The following USH2A variants were observed in gnomAD, a reference collection of about 807,000 sequenced individuals.
USH2A encodes Usher syndrome 2A (autosomal recessive, mild).
USH2A carries 443 observed loss-of-function variants against 538.9 expected under a neutral mutation model. The observed-to-expected ratio is 0.82, with a 90% confidence interval of 0.76 to 0.89. The LOEUF (loss-of-function observed/expected upper bound fraction) is 0.89. USH2A is among the 40% of genes least tolerant of loss of function. The pLI is 0.00. For missense variants in USH2A, 6,633 were observed against 6,324.8 expected, an observed-to-expected ratio of 1.05 and a Z score of -1.65; for synonymous variants, 2,413 against 2,273.5, an observed-to-expected ratio of 1.06 and a Z score of -1.75.
At chr1:215,705,863 C>T (rs1659168915) in intron 61 of USH2A, among the ~76,000 whole-genome samples, 1 of 152,218 alleles carries the variant, frequency 6.6e-6, no homozygotes, top group South Asian at 2.1e-4. Flanking sequence ...CATAACTCTT[C>T]TGAAAGACAC....
chr1:216,223,339 T>C lies in USH2A; in HGVS notation c.2994-5789A>G, dbSNP rs573161922. On this transcript the variant is annotated intron_variant, in intron 14 of 71. Coordinates refer to ENST00000307340, the MANE Select transcript of USH2A (RefSeq NM_206933.4). ...CTGATACTTCTTATCAGATCATATATCATCTATACTAAGAGAGAATATATA... is the reference window on the plus strand; with the variant it reads ...CTGATACTTCTTATCAGATCATATACCATCTATACTAAGAGAGAATATATA... 2.0e-5 allele frequency among the ~76,000 whole-genome samples: 3 copies of C among 152,272 alleles called. No homozygotes were observed. In the South Asian group the frequency reaches 6.2e-4, roughly 32 times the overall value.
intron 47 of USH2A, among the ~76,000 whole-genome samples, chr1:215,822,370 T>C (rs1241306092): frequency 1.3e-5 from 2 of 151,978 alleles, no homozygotes; most frequent in Non-Finnish European, 2.9e-5. Flanking sequence ...AGGTATTTTA[T>C]ATTCTTTGTA....
chr1:215,835,756 C>T (rs913109292), intron 47 of USH2A, among the ~76,000 whole-genome samples: 7 of 152,070 alleles, frequency 4.6e-5, no homozygotes, highest in Non-Finnish European at 7.4e-5. Flanking sequence ...AGTTTGTTTC[C>T]TGTCATTATT....
At chr1:215,636,407 T>C (rs1353531884) in intron 69 of USH2A, among the ~76,000 whole-genome samples, 2 of 152,228 alleles carry the variant, frequency 1.3e-5, no homozygotes, top group African/African-American at 4.8e-5. Context: ...ACTCTGACCT[T>C]TGCTTCTCAT....
At chr1:216,415,835 T>C (rs1462958269) in intron 3 of USH2A, among the ~76,000 whole-genome samples, 1 of 152,064 alleles carries the variant, frequency 6.6e-6, no homozygotes, top group Non-Finnish European at 1.5e-5. Context: ...CTCCATTATT[T>C]CTTATAACAA....
chr1:215,927,824 A>AAC (rs1028450835), intron 38 of USH2A, among the ~76,000 whole-genome samples: 1 of 152,112 alleles, frequency 6.6e-6, no homozygotes, highest in African/African-American at 2.4e-5. Flanking sequence ...TAGACAATTA[A>AAC]ACACACACAC....
Position 215,836,479 on chromosome 1 carries a change from TAA to T in USH2A, c.9371+1510_9371+1511del, listed in dbSNP as rs1558119815. Among the ~76,000 whole-genome samples, 34 of 4,674 alleles carry T rather than the reference TAA, an allele frequency of 7.3e-3. 2 individuals are homozygous for T. Among genetic ancestry groups the T allele is most frequent in the African/African-American group, 8.9e-3 (24 of 2,700 alleles). 3.1% of individuals were successfully genotyped at this position (4,674 alleles called of 152,430 possible). A position where few individuals can be genotyped will look rare whatever the true frequency, so the allele number is the denominator to read the frequency against. On this transcript the variant is annotated intron_variant, in intron 47 of 71. Transcript: ENST00000307340. ...TGTATATATATTATATATATATATA[TAA>T]TATATATTATATATATAATATATAT...
rs531848527 is a variant in USH2A at position 216,320,467 on chromosome 1, C to T, written c.1644+1416G>A. Among the ~76,000 whole-genome samples, 14 of 152,230 alleles carry T rather than the reference C, an allele frequency of 9.2e-5. No homozygotes were observed. In the South Asian group the frequency reaches 2.9e-3, roughly 32 times the overall value. On this transcript the variant is annotated intron_variant, in intron 9 of 71. Transcript: ENST00000307340. ...CACTTGTCATTGAAGAACTGCTTTT[C>T]AGAATGACAGCAATTATATAATGTA...
chr1:215,936,512 C>T (rs1306816923), intron 37 of USH2A, among the ~76,000 whole-genome samples: 1 of 151,974 alleles, frequency 6.6e-6, no homozygotes, highest in East Asian at 1.9e-4. Context: ...AATGATAATA[C>T]AGTATTTACA....
intron 3 of USH2A, among the ~76,000 whole-genome samples, chr1:216,398,551 C>T (rs2039254959): frequency 1.1e-5 from 1 of 87,286 alleles, no homozygotes; most frequent in African/African-American, 4.3e-5. Context: ...CACAAGCACA[C>T]CCATACACAC....
chr1:216,369,144 C>T (rs2038654079), intron 3 of USH2A, among the ~76,000 whole-genome samples: 1 of 151,948 alleles, frequency 6.6e-6, no homozygotes, highest in African/African-American at 2.4e-5. Flanking sequence ...ATAGAAATTG[C>T]CCTGAAATAG....
intron 40 of USH2A, among the ~76,000 whole-genome samples, chr1:215,891,755 G>A (rs923376623): frequency 3.9e-5 from 6 of 152,126 alleles, no homozygotes; most frequent in Non-Finnish European, 1.5e-5. Context: ...TAAAATCAAT[G>A]TGGAGTATAA....
At chr1:216,161,341 T>G (rs944467011) in intron 21 of USH2A, among the ~76,000 whole-genome samples, 1 of 152,082 alleles carries the variant, frequency 6.6e-6, no homozygotes, top group Non-Finnish European at 1.5e-5. Context: ...TACATTAATT[T>G]TCTAAATCAT....
At chr1:216,146,994 G>C (rs1171135474) in intron 21 of USH2A, among the ~76,000 whole-genome samples, 4 of 152,104 alleles carry the variant, frequency 2.6e-5, no homozygotes, top group African/African-American at 9.7e-5. Context: ...TTTCCAACCT[G>C]CAAAATCTAA....
chr1:216,374,776 G>T (rs1259318696), intron 3 of USH2A, among the ~76,000 whole-genome samples: 1 of 152,010 alleles, frequency 6.6e-6, no homozygotes, highest in African/African-American at 2.4e-5. Context: ...CTGCATTCTG[G>T]ATCATATTGA....
At chr1:216,216,391 A>G (rs78071752) in intron 15 of USH2A, among the ~76,000 whole-genome samples, 3,665 of 152,182 alleles carry the variant, frequency 0.024, 152 homozygotes, top group African/African-American at 0.084. Flanking sequence ...CTCAAAATCT[A>G]GTACAGTTGT....
intron 25 of USH2A, 29 bp from the exon 26 acceptor site, chr1:216,083,615 G>T (rs1213860697): frequency 6.2e-7 from 1 of 1,607,560 alleles, no homozygotes; most frequent in East Asian, 2.2e-5. Flanking sequence ...GTACATATTA[G>T]CATGTGTAAC....
chr1:216,396,250 T>A (rs1442908208), intron 3 of USH2A, among the ~76,000 whole-genome samples: 2 of 152,206 alleles, frequency 1.3e-5, no homozygotes, highest in African/African-American at 4.8e-5. Flanking sequence ...TATTCAATGT[T>A]TGAAGCTTGG....
At chr1:216,408,813 A>G (rs1250978601) in intron 3 of USH2A, among the ~76,000 whole-genome samples, 1 of 152,168 alleles carries the variant, frequency 6.6e-6, no homozygotes, top group Non-Finnish European at 1.5e-5. Context: ...TAAGAGAGCT[A>G]CTATGTGACT....
Sources: gnomAD v4.1 joint callset for allele counts (sites outside exome capture counted in the v4.1 genomes callset) on GRCh38, gnomAD v4.1.1 for gene constraint, MANE v1.5 for transcripts, NCBI Gene and HGNC (gene_info 2026-07-23, HGNC 2026-07-21) for gene names.